The following RAD51B variants were observed in gnomAD, a reference collection of about 807,000 sequenced individuals.
The protein encoded by RAD51B is DNA repair protein RAD51 homolog 2.
RAD51B carries 38 observed loss-of-function variants against 42.2 expected under a neutral mutation model. The observed-to-expected ratio is 0.90, with a 90% CI of 0.70 to 1.18. The LOEUF is 1.18. Ranked by LOEUF, RAD51B falls within the 50% of genes most tolerant of loss-of-function variation. The probability of loss-of-function intolerance (pLI) is 0.00; values close to 1 mark genes in which losing one functional copy is unlikely to be tolerated. For synonymous variants in RAD51B, 154 were observed against 145.2 expected (o/e 1.06, Z -0.43); for missense variants, 373 against 400.7 (o/e 0.93, Z 0.59).
chr14:68,420,548 A>C (rs748087617), intron 9 of RAD51B, among the ~76,000 whole-genome samples: 1 of 152,142 alleles, frequency 6.6e-6, no homozygotes, highest in Non-Finnish European at 1.5e-5. Context: ...CATATACGGT[A>C]ACTTCCTGAT....
intron 7 of RAD51B, among the ~76,000 whole-genome samples, chr14:67,934,537 C>T (rs981709304): frequency 1.3e-5 from 2 of 152,078 alleles, no homozygotes; most frequent in African/African-American, 4.8e-5. Context: ...GATGCTGTTT[C>T]TACCCTCAGA....
At chr14:67,977,785 A>G (rs1046870083) in intron 7 of RAD51B, among the ~76,000 whole-genome samples, 3 of 152,218 alleles carry the variant, frequency 2.0e-5, no homozygotes, top group African/African-American at 7.2e-5. Context: ...ATTGTGTTCC[A>G]TAATATTCTT....
chr14:68,183,599 A>G (rs1423220290), intron 7 of RAD51B, among the ~76,000 whole-genome samples: 1 of 152,172 alleles, frequency 6.6e-6, no homozygotes, highest in Non-Finnish European at 1.5e-5. Context: ...CTGTTATCCT[A>G]TTGATCCTGA....
intron 7 of RAD51B, among the ~76,000 whole-genome samples, chr14:67,949,264 G>C (rs545644726): frequency 5.3e-5 from 8 of 152,030 alleles, no homozygotes; most frequent in Non-Finnish European, 1.2e-4. Flanking sequence ...TTTAATATTG[G>C]GATCAGTCCT....
At chr14:67,865,302 T>G (rs1447840813) in intron 5 of RAD51B, among the ~76,000 whole-genome samples, 163 bp downstream of exon 5, 2 of 150,688 alleles carry the variant, frequency 1.3e-5, no homozygotes, top group East Asian at 3.9e-4. Context: ...AGTGGCACGA[T>G]CTGGGCTCAT....
At chr14:68,066,975 A>G (rs2140455605) in intron 7 of RAD51B, among the ~76,000 whole-genome samples, 1 of 152,274 alleles carries the variant, frequency 6.6e-6, no homozygotes, top group South Asian at 2.1e-4. Context: ...CAAAATGGGA[A>G]AAAATGGAAA....
At chr14:68,276,977 G>A (rs1178548491) in intron 7 of RAD51B, among the ~76,000 whole-genome samples, 2 of 152,182 alleles carry the variant, frequency 1.3e-5, no homozygotes, top group Non-Finnish European at 2.9e-5. Flanking sequence ...AAAGATGAGT[G>A]TACAAAGCTT....
At chr14:68,067,213 A>C (rs558655524) in intron 7 of RAD51B, among the ~76,000 whole-genome samples, 1 of 152,312 alleles carries the variant, frequency 6.6e-6, no homozygotes, top group South Asian at 2.1e-4. Context: ...CTGTAATCCC[A>C]GCACTTTGGG....
intron 8 of RAD51B, among the ~76,000 whole-genome samples, chr14:68,353,675 T>C (rs1010235700): frequency 2.0e-5 from 3 of 152,058 alleles, no homozygotes; most frequent in African/African-American, 4.8e-5. Flanking sequence ...TGCATCCGAG[T>C]CATAATAGCA....
rs143767487 is a variant in RAD51B, at chr14:68,576,205, C to T, written c.1037-18280C>T. Among the ~76,000 whole-genome samples the T allele has an allele frequency of 4.1e-3, 631 of 152,194 alleles. 5 individuals carry two copies. The highest frequency in any genetic ancestry group is 6.8e-3 in the Middle Eastern group (2 of 294). On this transcript the variant is annotated intron_variant, in intron 10 of 10. Transcript: ENST00000487270. Reference sequence around the variant, plus strand: ...CCTCCTGCCTGTACCTCACATTTGCCGGACACAAAAGGAAGCTAGAGGCAA... The same window carrying T: ...CCTCCTGCCTGTACCTCACATTTGCTGGACACAAAAGGAAGCTAGAGGCAA...
intron 7 of RAD51B, among the ~76,000 whole-genome samples, chr14:68,119,101 A>G (rs1035313607): frequency 6.6e-6 from 1 of 151,156 alleles, no homozygotes; most frequent in East Asian, 1.9e-4. Context: ...GGCACGTGCC[A>G]CTCACTAATT....
At chr14:68,056,608 G>T (rs1168642520) in intron 7 of RAD51B, among the ~76,000 whole-genome samples, 1 of 151,410 alleles carries the variant, frequency 6.6e-6, no homozygotes, top group East Asian at 2.0e-4. Flanking sequence ...AATTAGCCAG[G>T]CGTGGTGATG....
chr14:68,074,500 A>G (rs1031030876), intron 7 of RAD51B, among the ~76,000 whole-genome samples: 1 of 152,172 alleles, frequency 6.6e-6, no homozygotes, highest in Admixed American at 6.5e-5. Context: ...TTTCATTGCC[A>G]TCCAGATTCT....
At chr14:68,346,158 C>A (rs1458119857) in intron 8 of RAD51B, among the ~76,000 whole-genome samples, 1 of 152,138 alleles carries the variant, frequency 6.6e-6, no homozygotes, top group East Asian at 1.9e-4. Flanking sequence ...TATATCCCAT[C>A]TTTTTCCAAA....
At chr14:68,324,147 G>C (rs775556563) in intron 8 of RAD51B, among the ~76,000 whole-genome samples, 4 of 152,144 alleles carry the variant, frequency 2.6e-5, no homozygotes, top group Non-Finnish European at 4.4e-5. Context: ...ATTAATAAAT[G>C]GTATGTAGTT....
intron 7 of RAD51B, among the ~76,000 whole-genome samples, chr14:68,090,421 T>C (rs1234594113): frequency 6.6e-6 from 1 of 152,184 alleles, no homozygotes; most frequent in Non-Finnish European, 1.5e-5. Context: ...TTCTTTAGGT[T>C]TCAAAACATA....
intron 10 of RAD51B, chr14:68,470,433 C>T (rs1594884807): frequency 4.4e-6 from 2 of 458,584 alleles, no homozygotes; most frequent in Non-Finnish European, 8.6e-6. Flanking sequence ...CCAGAAAATG[C>T]AGGCCCCTCA....
intron 10 of RAD51B, among the ~76,000 whole-genome samples, chr14:68,601,921 T>A (rs1595016505): frequency 1.3e-5 from 2 of 152,138 alleles, no homozygotes; most frequent in East Asian, 3.9e-4. Context: ...CCAATTCCCA[T>A]CATTACTGCC....
chr14:68,306,280 C>A (rs1345738577), intron 8 of RAD51B, among the ~76,000 whole-genome samples: 1 of 152,194 alleles, frequency 6.6e-6, no homozygotes, highest in African/African-American at 2.4e-5. Context: ...TTCACAAGTA[C>A]TTTCTGGTCC....
Sources: allele counts gnomAD v4.1 joint callset (sites outside exome capture counted in the v4.1 genomes callset), GRCh38; gene constraint gnomAD v4.1.1; transcripts MANE v1.5; gene names NCBI Gene and HGNC (gene_info 2026-07-23, HGNC 2026-07-21).